Variants in ITPR1 observed in about 807,000 individuals in gnomAD.
ITPR1 encodes the protein inositol 1,4,5-trisphosphate receptor type 1.
ITPR1 carries 96 observed loss-of-function variants against 318.4 expected under a neutral mutation model. The ratio of observed to expected loss-of-function variants is 0.30; its 90% CI spans 0.26 to 0.36. ITPR1 has a LOEUF of 0.36. Ranked by LOEUF, ITPR1 falls within the 10% of genes least tolerant of loss-of-function variation. The pLI, the probability that ITPR1 is intolerant of heterozygous loss-of-function variation, is 1.00. For synonymous variants in ITPR1, 1,312 were observed against 1,289.9 expected (o/e 1.02, Z -0.37); for missense variants, 2,440 against 3,460.2 (o/e 0.71, Z 7.40).
intron 20 of ITPR1, chr3:4,671,844 C>T (rs1045989491): frequency 6.6e-6 from 1 of 152,218 alleles, no homozygotes; most frequent in Non-Finnish European, 1.5e-5. Context: ...ATCCTATCCA[C>T]ATTCTCTGTG....
chr3:4,817,830 A>T (rs1465659596), intron 59 of ITPR1, among the ~76,000 whole-genome samples: 1 of 152,232 alleles, frequency 6.6e-6, no homozygotes, highest in Non-Finnish European at 1.5e-5. Flanking sequence ...AAGGCCACTA[A>T]GGCATGTGGA....
chr3:4,688,700 T>C (rs2094435588), intron 31 of ITPR1, 80 bp downstream of exon 31: 7 of 1,423,606 alleles, frequency 4.9e-6, no homozygotes, highest in Non-Finnish European at 6.8e-6. Flanking sequence ...GTTCTTTGGC[T>C]GTTGTGGCTT....
chr3:4,615,596 G>A (rs762617850), intron 4 of ITPR1, among the ~76,000 whole-genome samples: 5 of 151,922 alleles, frequency 3.3e-5, no homozygotes, highest in Non-Finnish European at 7.4e-5. Flanking sequence ...GGCTGGTCTC[G>A]AACTCCTGAC....
At chr3:4,647,901 C>T (rs2093498415) in intron 10 of ITPR1, among the ~76,000 whole-genome samples, 1 of 152,204 alleles carries the variant, frequency 6.6e-6, no homozygotes, top group Admixed American at 6.5e-5. Flanking sequence ...CCTGTAATCC[C>T]AGCACTTTGG....
chr3:4,647,041 C>T (rs777941083), intron 10 of ITPR1, among the ~76,000 whole-genome samples: 17 of 152,114 alleles, frequency 1.1e-4, no homozygotes, highest in Admixed American at 4.6e-4. Context: ...ATGATAGCAG[C>T]ACCCAGAAGG....
intron 4 of ITPR1, among the ~76,000 whole-genome samples, chr3:4,576,966 T>C (rs73807301): frequency 0.029 from 4,444 of 152,312 alleles, 225 homozygotes; most frequent in African/African-American, 0.1. Flanking sequence ...CACCCAGTCC[T>C]GGGCTAGACC....
intron 37 of ITPR1, among the ~76,000 whole-genome samples, chr3:4,707,500 ATTG>A (rs768305245): frequency 2.0e-5 from 3 of 152,150 alleles, no homozygotes; most frequent in Non-Finnish European, 2.9e-5. Context: ...TGAAAACTTT[ATTG>A]TTGTTATGAC....
chr3:4,547,126 A>G (rs1378912192), intron 4 of ITPR1, among the ~76,000 whole-genome samples: 1 of 152,194 alleles, frequency 6.6e-6, no homozygotes. Flanking sequence ...GCTAGGCATG[A>G]TTTATAGTAC....
chr3:4,612,208 C>G (rs1347470683), intron 4 of ITPR1, among the ~76,000 whole-genome samples: 4 of 151,740 alleles, frequency 2.6e-5, no homozygotes, highest in South Asian at 2.1e-4. Flanking sequence ...ATTACAGGCG[C>G]CCACCACCAC....
intron 5 of ITPR1, among the ~76,000 whole-genome samples, chr3:4,633,644 T>C (rs1232277807): frequency 6.6e-6 from 1 of 152,232 alleles, no homozygotes; most frequent in Non-Finnish European, 1.5e-5. Flanking sequence ...TTGACTCTCT[T>C]GGTCATGTTT....
At chr3:4,568,348 C>G (rs1026137413) in intron 4 of ITPR1, among the ~76,000 whole-genome samples, 9 of 152,230 alleles carry the variant, frequency 5.9e-5, no homozygotes, top group African/African-American at 1.9e-4. Context: ...TTATTCTTCT[C>G]CCCTTTGCTC....
In ITPR1 at chr3:4,675,115, C is replaced by G; in HGVS notation, c.2646C>G (p.Phe882Leu). 6.2e-7 allele frequency: 1 copy of G among 1,605,920 alleles called. No homozygotes were observed. Among genetic ancestry groups the G allele is most frequent in the Non-Finnish European group, 8.5e-7 (1 of 1,172,822 alleles). Residue 882 changes from phenylalanine to leucine, a missense_variant, in exon 23 of 62, where the codon TTC becomes TTG. Coordinates refer to ENST00000649015, the MANE Select transcript of ITPR1 (RefSeq NM_001378452.1). ...TCATATACTTTGGTTTCTACAACTT[C>G]TCTGACCTTCTACGATTAACTAAGA... ...RNLIYFGFYN[F>L]SDLLRLTKIL...
chr3:4,744,441 G>T (rs755370267), intron 44 of ITPR1, among the ~76,000 whole-genome samples: 2 of 152,166 alleles, frequency 1.3e-5, no homozygotes, highest in Non-Finnish European at 1.5e-5. Flanking sequence ...GGAGGTTCAG[G>T]GATTAGTAAA....
At chr3:4,718,917 C>G (rs1479445156) in intron 40 of ITPR1, among the ~76,000 whole-genome samples, 2 of 152,188 alleles carry the variant, frequency 1.3e-5, no homozygotes, top group Non-Finnish European at 2.9e-5. Flanking sequence ...GTTGTAAATG[C>G]CTCACTGATT....
At chr3:4,818,334 A>G in intron 60 of ITPR1, 92 bp downstream of exon 60, 1 of 1,024,976 alleles carries the variant, frequency 9.8e-7, no homozygotes. Context: ...GCTGCACAAC[A>G]GAAGAATAAC....
intron 42 of ITPR1, among the ~76,000 whole-genome samples, chr3:4,731,274 C>T (rs2042909195): frequency 6.6e-6 from 1 of 152,152 alleles, no homozygotes. Flanking sequence ...GACTGGAATA[C>T]CAGTAAAGTT....
At chr3:4,625,035 C>G (rs1437900823) in intron 4 of ITPR1, among the ~76,000 whole-genome samples, 2 of 152,154 alleles carry the variant, frequency 1.3e-5, no homozygotes, top group East Asian at 3.9e-4. Context: ...CTTTTGTTTT[C>G]CAAAGTCCTA....
At position 4,787,988 on chromosome 3, in the gene ITPR1, C is replaced by T. The variant is rs748713368; in HGVS notation, c.6657C>T (p.Pro2219=). The change falls in exon 52 of 62, where the codon CCC becomes CCT. Residue 2219 remains proline, a synonymous_variant. Transcript: ENST00000649015. Reference sequence around the variant, plus strand: ...GAACAATGGAACAGATAGTCTTTCCCGTGCCCAGCATATGTGAATTCCTAA... The same window carrying T: ...GAACAATGGAACAGATAGTCTTTCCTGTGCCCAGCATATGTGAATTCCTAA... ...LDRTMEQIVF[P]VPSICEFLTK... 1.2e-5 allele frequency: 20 copies of T among 1,612,512 alleles called. No individual in the cohort carries two copies. Among genetic ancestry groups the T allele is most frequent in the East Asian group, 2.2e-5 (1 of 44,874 alleles).
intron 61 of ITPR1, among the ~76,000 whole-genome samples, chr3:4,843,111 GGAT>G (rs1242244540): frequency 9.6e-6 from 1 of 104,012 alleles, no homozygotes; most frequent in Non-Finnish European, 1.8e-5. Context: ...TCTTGTAATT[GGAT>G]GATGACTGCT....
Sources: allele counts gnomAD v4.1 joint callset (sites outside exome capture counted in the v4.1 genomes callset), GRCh38; gene constraint gnomAD v4.1.1; transcripts MANE v1.5; gene names NCBI Gene and HGNC (gene_info 2026-07-23, HGNC 2026-07-21).